Variants in SLC23A2 observed in about 807,000 individuals in gnomAD.
The protein encoded by SLC23A2 is solute carrier family 23 member 2, also known as Na(+)/L-ascorbic acid transporter 2.
In SLC23A2, 36 loss-of-function variants were observed where a neutral mutation model predicts 73.3. The ratio of observed to expected loss-of-function variants is 0.49; its 90% CI spans 0.38 to 0.65. The LOEUF (loss-of-function observed/expected upper bound fraction) is 0.65, where lower values mean the gene tolerates loss of function less well. SLC23A2 is among the 30% of genes least tolerant of loss of function. SLC23A2 has a pLI of 0.00. For synonymous variants in SLC23A2, 343 were observed against 327.3 expected (o/e 1.05, Z -0.52); for missense variants, 507 against 841.6 (o/e 0.60, Z 4.92).
Position 4,932,449 on chromosome 20 carries a change from G to A in SLC23A2, c.108+6C>T. Reference sequence around the variant, plus strand: ...TTTAAGAAAGGAAGATGGGGAATATGATTACCGGAAGAGTGAAGAAAGCTG... The same window carrying A: ...TTTAAGAAAGGAAGATGGGGAATATAATTACCGGAAGAGTGAAGAAAGCTG... On this transcript the variant is annotated splice_donor_region_variant and intron_variant, in intron 3 of 16. Coordinates refer to ENST00000338244, the MANE Select transcript of SLC23A2 (RefSeq NM_005116.6). 2 of 1,457,838 alleles carry A rather than the reference G, an allele frequency of 1.4e-6. No homozygotes were observed. The highest frequency in any genetic ancestry group is 1.9e-6 in the Non-Finnish European group (2 of 1,037,174). The allele number at this position is 1,457,838 out of a possible 1,614,324, so 90.3% of individuals were successfully genotyped here.
At chr20:4,881,232 G>GA (rs1949312417) in intron 9 of SLC23A2, among the ~76,000 whole-genome samples, 1 of 152,208 alleles carries the variant, frequency 6.6e-6, no homozygotes, top group African/African-American at 2.4e-5. Context: ...GATGTCTTGT[G>GA]TAACAGTAAG....
chr20:4,884,759 G>T lies in SLC23A2; in HGVS notation c.636C>A (p.Ile212=). ...GACAACGCTTGTCTTTTACCTCTCG[G>T]ATCCGGGGATACCAGATGTGTTCTG... The part of the protein sequence containing the change: ...LHTEHIWYPR[I]REIQGAIIMS... Residue 212 remains isoleucine, a synonymous_variant, in exon 8 of 17, where the codon ATC becomes ATA. Coordinates refer to ENST00000338244, the MANE Select transcript of SLC23A2 (RefSeq NM_005116.6). 1 of 1,608,272 alleles carries T rather than the reference G, an allele frequency of 6.2e-7. No homozygotes were observed. The highest frequency in any genetic ancestry group is 1.1e-5 in the South Asian group (1 of 90,594).
In SLC23A2 at chr20:4,912,905, G is replaced by A. The variant is rs775188069; in HGVS notation, c.182C>T (p.Thr61Ile). The change falls in exon 4 of 17, where the codon ACT becomes ATT. Residue 61 changes from threonine to isoleucine, a missense_variant. Physicochemically the swap from Thr to Ile is moderately conservative, Grantham distance 89 (BLOSUM62 -1). Coordinates refer to ENST00000338244, the MANE Select transcript of SLC23A2 (RefSeq NM_005116.6). ...CTTTTCTGCAATGCCGTTTTCCGTA[G>A]TGTAGATCGCCATGAGCTCAGTGTC... The part of the protein sequence containing the change: ...NEDTELMAIY[T>I]TENGIAEKSS... The A allele has an allele frequency of 5.0e-6, 8 of 1,612,744 alleles. No individual in the cohort carries two copies. In the East Asian group the frequency reaches 1.8e-4, roughly 36 times the overall value.
intron 2 of SLC23A2, among the ~76,000 whole-genome samples, chr20:4,953,016 C>CA (rs575001699): frequency 6.2e-4 from 88 of 141,328 alleles, no homozygotes; most frequent in African/African-American, 1.9e-3. Context: ...GAACGAGACT[C>CA]AAAAAAAAAG....
At chr20:4,873,309 G>A (rs886796739) in intron 11 of SLC23A2, among the ~76,000 whole-genome samples, 1 of 152,138 alleles carries the variant, frequency 6.6e-6, no homozygotes, top group East Asian at 1.9e-4. Flanking sequence ...TCTTCACAAT[G>A]GAACCAAGTG....
chr20:4,965,187 T>C (rs942730608), intron 2 of SLC23A2, among the ~76,000 whole-genome samples: 1 of 152,158 alleles, frequency 6.6e-6, no homozygotes, highest in Non-Finnish European at 1.5e-5. Context: ...GGGCTAGAGT[T>C]TCCTGGTAAC....
intron 1 of SLC23A2, among the ~76,000 whole-genome samples, chr20:4,983,457 C>T (rs6053010): frequency 0.78 from 117,979 of 151,480 alleles, 46,699 homozygotes; most frequent in East Asian, 0.96. Context: ...CCATCCTGGC[C>T]AACACGGTGA....
intron 2 of SLC23A2, among the ~76,000 whole-genome samples, chr20:4,951,129 G>A (rs1217157262): frequency 7.9e-5 from 12 of 152,174 alleles, no homozygotes; most frequent in Non-Finnish European, 1.8e-4. Context: ...TAACATCAGA[G>A]AAGATTTGTT....
In SLC23A2 at chr20:4,932,639, G is replaced by T; in HGVS notation, c.-77C>A. On this transcript the variant is annotated 5_prime_UTR_variant, in exon 3 of 17. Coordinates refer to ENST00000338244, the MANE Select transcript of SLC23A2 (RefSeq NM_005116.6). ...AGGCTTATTCAAGCTAGGAGCCCAG[G>T]ATCAGCCGGCTCTTCTAGTGCCTGG... The T allele has an allele frequency of 7.2e-6, 6 of 832,320 alleles. No individual in the cohort carries two copies. Among genetic ancestry groups the T allele is most frequent in the Non-Finnish European group, 1.3e-5 (6 of 475,402 alleles). 51.6% of individuals were successfully genotyped at this position (832,320 alleles called of 1,614,324 possible). A position where few individuals can be genotyped will look rare whatever the true frequency, so the allele number is the denominator to read the frequency against.
At chr20:4,914,678 C>G (rs768010726) in intron 3 of SLC23A2, among the ~76,000 whole-genome samples, 11 of 152,100 alleles carry the variant, frequency 7.2e-5, no homozygotes, top group Non-Finnish European at 1.6e-4. Context: ...TTGGGGACAA[C>G]ATAAATGTCC....
chr20:4,860,098 C>T (rs988202860), intron 15 of SLC23A2, among the ~76,000 whole-genome samples: 6 of 152,330 alleles, frequency 3.9e-5, no homozygotes, highest in African/African-American at 1.4e-4. Flanking sequence ...AGAATTACCA[C>T]ATGACCCAAT....
rs767399554 is a variant in SLC23A2, at chr20:4,998,607, T to C, written c.-282+2799A>G. Reference sequence around the variant, plus strand: ...ATAGCAGGGCATGAAAATGAATTAATGAGGTGAGGTTACTGGGCACTGGGA... The same window carrying C: ...ATAGCAGGGCATGAAAATGAATTAACGAGGTGAGGTTACTGGGCACTGGGA... On this transcript the variant is annotated intron_variant, in intron 1 of 16. Transcript: ENST00000338244. The surrounding 1 kb of genome is among the most constrained non-coding windows in gnomAD (Gnocchi z 4.1). 9.9e-5 allele frequency among the ~76,000 whole-genome samples: 7 copies of C among 70,652 alleles called. No homozygotes were observed. Among genetic ancestry groups the C allele is most frequent in the Non-Finnish European group, 2.3e-4 (6 of 25,964 alleles). The allele number at this position is 70,652 out of a possible 152,430, so 46.4% of individuals were successfully genotyped here.
intron 3 of SLC23A2, among the ~76,000 whole-genome samples, chr20:4,922,852 C>A (rs952119075): frequency 6.6e-6 from 1 of 151,028 alleles, no homozygotes; most frequent in African/African-American, 2.4e-5. Flanking sequence ...AGCACACACA[C>A]ACACACACAC....
At position 4,935,186 on chromosome 20, in the gene SLC23A2, C is replaced by CAA. The variant is rs34200051; in HGVS notation, c.-154-2472_-154-2471dup. On this transcript the variant is annotated intron_variant, in intron 2 of 16. Transcript: ENST00000338244. Reference sequence around the variant, plus strand: ...TGGGCGACAGAGCGAGACTCCGTCTCAAAAAAAAAAAAAAAAAAAAAGAAA... The same window carrying CAA: ...TGGGCGACAGAGCGAGACTCCGTCTCAAAAAAAAAAAAAAAAAAAAAAAGAAA... Among the ~76,000 whole-genome samples the CAA allele has an allele frequency of 4.4e-3, 294 of 67,296 alleles. 2 individuals carry two copies. Among genetic ancestry groups the CAA allele is most frequent in the South Asian group, 8.0e-3 (16 of 1,990 alleles). The allele number at this position is 67,296 out of a possible 152,430, so 44.1% of individuals were successfully genotyped here.
intron 3 of SLC23A2, among the ~76,000 whole-genome samples, chr20:4,916,955 G>C (rs538953266): frequency 6.6e-6 from 1 of 152,130 alleles, no homozygotes; most frequent in African/African-American, 2.4e-5. Context: ...CATTTTAGGG[G>C]TGTAACTCTG....
At chr20:5,009,604 C>T (rs530904201) in intron 1 of SLC23A2, among the ~76,000 whole-genome samples, 1 of 152,156 alleles carries the variant, frequency 6.6e-6, no homozygotes, top group Non-Finnish European at 1.5e-5. Context: ...GTTCTCAGTT[C>T]GGTTACTACT....
intron 2 of SLC23A2, among the ~76,000 whole-genome samples, chr20:4,953,534 T>C (rs938408914): frequency 6.6e-6 from 1 of 152,022 alleles, no homozygotes; most frequent in Admixed American, 6.6e-5. Flanking sequence ...GAATACAGAC[T>C]AAAACACAGC....
Position 4,884,777 on chromosome 20 carries a change from G to T in SLC23A2, c.618C>A (p.His206Gln). The change falls in exon 8 of 17, where the codon CAC (histidine) becomes CAA (glutamine). Residue 206 changes from histidine to glutamine, a missense_variant. Around this residue, in one of 5 missense-constraint regions of SLC23A2, gnomAD observed 217 missense variants for 398.0 expected, o/e 0.55. Transcript: ENST00000338244. ...CCTCTCGGATCCGGGGATACCAGAT[G>T]TGTTCTGTGTGCAACAGCTCTGCTG... Reference protein sequence around the residue: ...NGTAELLHTEHIWYPRIREIQ... With the variant: ...NGTAELLHTEQIWYPRIREIQ... 6.3e-7 allele frequency: 1 copy of T among 1,599,968 alleles called. No individual in the cohort carries two copies. The highest frequency in any genetic ancestry group is 8.5e-7 in the Non-Finnish European group (1 of 1,175,774).
intron 2 of SLC23A2, among the ~76,000 whole-genome samples, chr20:4,943,674 C>CAAAA (rs552051541): frequency 1.3e-5 from 1 of 78,886 alleles, no homozygotes; most frequent in Non-Finnish European, 2.6e-5. Context: ...GACTCTGTCT[C>CAAAA]AAAAAAAAAA....
Sources: gnomAD v4.1 joint callset for allele counts (sites outside exome capture counted in the v4.1 genomes callset) on GRCh38, gnomAD v4.1.1 for gene constraint, gnomAD v4.1.1 regional missense constraint, Gnocchi (gnomAD v3.1) non-coding constraint, MANE v1.5 for transcripts, NCBI Gene and HGNC (gene_info 2026-07-23, HGNC 2026-07-21) for gene names.